The following CEP170 variants were observed in gnomAD, a reference collection of about 807,000 sequenced individuals.
CEP170 encodes centrosomal protein of 170 kDa.
Under a neutral mutation model 151.9 loss-of-function variants are expected in CEP170, and 21 were observed. That is an observed-to-expected ratio of 0.14 (90% confidence interval 0.10 to 0.20). CEP170 has a LOEUF of 0.20. CEP170 is among the 10% of genes least tolerant of loss of function. The pLI is 1.00. For missense variants in CEP170, 964 were observed against 1,892.9 expected (o/e 0.51, Z 9.11); for synonymous variants, 356 against 648.8 (o/e 0.55, Z 6.86).
At chr1:243,156,612 T>G in intron 13 of CEP170, 157 bp from the exon 14 acceptor site, 1 of 570,080 alleles carries the variant, frequency 1.8e-6, no homozygotes, top group East Asian at 3.0e-5. Context: ...AGTCTACTAC[T>G]CCTTAGAGAT....
At chr1:243,228,398 T>C (rs1269115322) in intron 1 of CEP170, among the ~76,000 whole-genome samples, 4 of 152,212 alleles carry the variant, frequency 2.6e-5, no homozygotes, top group Non-Finnish European at 5.9e-5. Flanking sequence ...GCAGATGTTG[T>C]TGGTCTTCCA....
At chr1:243,215,816 A>C (rs571478952) in intron 3 of CEP170, among the ~76,000 whole-genome samples, 5 of 152,186 alleles carry the variant, frequency 3.3e-5, no homozygotes, top group African/African-American at 1.2e-4. Flanking sequence ...ATCACTAATA[A>C]AAACTTGCTG....
chr1:243,211,787 C>A, intron 4 of CEP170, 99 bp downstream of exon 4: 1 of 1,338,456 alleles, frequency 7.5e-7, no homozygotes, highest in Non-Finnish European at 1.0e-6. Context: ...GAAATTCTGG[C>A]ATATCTATAT....
chr1:243,161,332 A>C (rs374515691), intron 13 of CEP170, among the ~76,000 whole-genome samples: 1 of 152,264 alleles, frequency 6.6e-6, no homozygotes, highest in East Asian at 1.9e-4. Context: ...CACTGAAAGA[A>C]TGTTTTGGGG....
intron 16 of CEP170, among the ~76,000 whole-genome samples, chr1:243,137,443 CAA>C (rs1167508690): frequency 3.3e-5 from 5 of 152,150 alleles, no homozygotes; most frequent in Admixed American, 3.3e-4. Context: ...GCCTACAAAA[CAA>C]GAGACGTTCA....
chr1:243,164,622 T>C lies in CEP170; in HGVS notation c.3338A>G (p.Asp1113Gly). The change falls in exon 13 of 20, where the codon GAC (aspartate) becomes GGC (glycine). Residue 1113 changes from aspartate to glycine, a missense_variant. Transcript: ENST00000366542. ...LRRARLGEASDSELADADKAS... is the reference protein window; with the variant it reads ...LRRARLGEASGSELADADKAS... ...TTTGTCAGCATCAGCAAGTTCACTG[T>C]CTGAAGCTTCACCAAGTCGTGCTCT... 6.2e-7 allele frequency: 1 copy of C among 1,613,792 alleles called. No individual in the cohort carries two copies. Among genetic ancestry groups the C allele is most frequent in the Non-Finnish European group, 8.5e-7 (1 of 1,179,734 alleles).
chr1:243,152,674 G>A (rs969665787), intron 14 of CEP170, among the ~76,000 whole-genome samples: 10 of 151,194 alleles, frequency 6.6e-5, no homozygotes, highest in African/African-American at 2.2e-4. Flanking sequence ...TGGGACTACA[G>A]GCACGTACCA....
intron 12 of CEP170, among the ~76,000 whole-genome samples, chr1:243,167,308 G>C (rs1182433124): frequency 1.3e-5 from 2 of 151,856 alleles, no homozygotes; most frequent in Non-Finnish European, 2.9e-5. Flanking sequence ...TTTAAAAATT[G>C]TAAGTATGTA....
chr1:243,136,005 A>G, intron 17 of CEP170, 138 bp downstream of exon 17: 1 of 1,288,512 alleles, frequency 7.8e-7, no homozygotes, highest in Middle Eastern at 2.3e-4. Flanking sequence ...GTTATAAAGT[A>G]GTACTGGATA....
At chr1:243,149,339 T>A (rs3766666) in intron 14 of CEP170, among the ~76,000 whole-genome samples, 11,737 of 152,150 alleles carry the variant, frequency 0.077, 1,038 homozygotes, top group African/African-American at 0.2. Context: ...GACAGCAAAG[T>A]ATTTACTCAA....
At chr1:243,204,216 T>C (rs1305674418) in intron 4 of CEP170, among the ~76,000 whole-genome samples, 1 of 152,228 alleles carries the variant, frequency 6.6e-6, no homozygotes, top group Non-Finnish European at 1.5e-5. Flanking sequence ...TTAACTTCTC[T>C]GAATGAAAGT....
chr1:243,136,155 G>A lies in CEP170; in HGVS notation c.4307C>T (p.Ala1436Val). The change falls in exon 17 of 20, where the codon GCT becomes GTT. Residue 1436 changes from alanine to valine, a missense_variant. By Grantham distance (64) the Ala-to-Val change is moderately conservative. Transcript: ENST00000366542. ...TATGTACATGTACCTGATCTTTCCA[G>A]CTGTCTTATCTATAGATTGTCTTAT... ...KKIRQSIDKT[A>V]GKIRILFKDK... 1 of 1,502,008 alleles carries A rather than the reference G, an allele frequency of 6.7e-7. No individual in the cohort carries two copies. Among genetic ancestry groups the A allele is most frequent in the Non-Finnish European group, 8.9e-7 (1 of 1,120,398 alleles). The allele number at this position is 1,502,008 out of a possible 1,614,324, so 93.0% of individuals were successfully genotyped here.
At chr1:243,225,391 G>A (rs1343419913) in intron 1 of CEP170, 70 bp from the exon 2 acceptor site, 1 of 579,696 alleles carries the variant, frequency 1.7e-6, no homozygotes, top group Non-Finnish European at 2.9e-6. Context: ...ACCAAACACT[G>A]GAAGGCCTAA....
intron 14 of CEP170, 97 bp downstream of exon 14, chr1:243,156,124 G>C: frequency 2.2e-6 from 3 of 1,345,056 alleles, no homozygotes; most frequent in Non-Finnish European, 3.0e-6. Flanking sequence ...TCAGTTCTTA[G>C]ACTATTAGTA....
At chr1:243,205,012 G>A (rs2061317874) in intron 4 of CEP170, among the ~76,000 whole-genome samples, 1 of 152,240 alleles carries the variant, frequency 6.6e-6, no homozygotes, top group Non-Finnish European at 1.5e-5. Context: ...GGGCAACAAA[G>A]CAAGAGTCCA....
intron 1 of CEP170, among the ~76,000 whole-genome samples, chr1:243,246,500 G>A (rs1050987421): frequency 6.6e-6 from 1 of 152,022 alleles, no homozygotes; most frequent in Non-Finnish European, 1.5e-5. Context: ...CCAAAGTGCT[G>A]GGATTACAGG....
intron 1 of CEP170, among the ~76,000 whole-genome samples, chr1:243,231,218 A>T (rs201177078): frequency 2.5e-4 from 38 of 150,480 alleles, no homozygotes; most frequent in Admixed American, 1.4e-3. Context: ...CATCATTATT[A>T]TTTTTTTTAA....
intron 7 of CEP170, among the ~76,000 whole-genome samples, chr1:243,197,227 G>A (rs1208604086): frequency 6.6e-6 from 1 of 152,074 alleles, no homozygotes; most frequent in African/African-American, 2.4e-5. Flanking sequence ...GACAGACAAG[G>A]TGAAGGGAAG....
chr1:243,161,531 G>A (rs2058070005), intron 13 of CEP170, among the ~76,000 whole-genome samples: 1 of 152,098 alleles, frequency 6.6e-6, no homozygotes, highest in Admixed American at 6.5e-5. Context: ...ATGCAGTAGT[G>A]TGATCACAGC....
Sources: allele counts gnomAD v4.1 joint callset (sites outside exome capture counted in the v4.1 genomes callset), GRCh38; gene constraint gnomAD v4.1.1; transcripts MANE v1.5; gene names NCBI Gene and HGNC (gene_info 2026-07-23, HGNC 2026-07-21).